The following NOL10 variants were observed in gnomAD, a reference collection of about 807,000 sequenced individuals.
NOL10 encodes the protein nucleolar protein 10, also known as H_NH0074G24.1.
A neutral mutation model predicts 103.5 loss-of-function variants in NOL10; 58 were observed. The ratio of observed to expected loss-of-function variants is 0.56; its 90% CI spans 0.45 to 0.70. The LOEUF is 0.70. Among genes scored for constraint, NOL10 ranks in the 30% least tolerant of loss-of-function variants. The pLI, the probability that NOL10 is intolerant of heterozygous loss-of-function variation, is 0.00. For missense variants in NOL10, 763 were observed against 807.3 expected, an observed-to-expected ratio of 0.95 and a Z score of 0.67; for synonymous variants, 287 against 282.5, an observed-to-expected ratio of 1.02 and a Z score of -0.16.
chr2:10,638,428 A>G (rs1356498768), intron 13 of NOL10, among the ~76,000 whole-genome samples: 1 of 151,298 alleles, frequency 6.6e-6, no homozygotes, highest in Non-Finnish European at 1.5e-5. Flanking sequence ...TTAAATAGTG[A>G]CATTAAAAAA....
At chr2:10,598,892 T>C (rs1007527727) in intron 17 of NOL10, among the ~76,000 whole-genome samples, 15 of 152,374 alleles carry the variant, frequency 9.8e-5, no homozygotes, top group Admixed American at 9.1e-4. Context: ...CAATTTATAA[T>C]GGACAGTAAG....
At chr2:10,607,988 T>C (rs1214541963) in intron 13 of NOL10, among the ~76,000 whole-genome samples, 1 of 152,138 alleles carries the variant, frequency 6.6e-6, no homozygotes, top group Non-Finnish European at 1.5e-5. Flanking sequence ...CTATAGTTAA[T>C]GGCAATATAT....
chr2:10,682,518 GC>G (rs1243818584), intron 2 of NOL10, among the ~76,000 whole-genome samples: 4 of 149,984 alleles, frequency 2.7e-5, no homozygotes, highest in Admixed American at 6.7e-5. Flanking sequence ...TCACACCTCA[GC>G]CCCCCCAAAT....
chr2:10,591,445 C>A (rs1431238468), intron 17 of NOL10, among the ~76,000 whole-genome samples: 2 of 152,256 alleles, frequency 1.3e-5, no homozygotes, highest in South Asian at 4.2e-4. Flanking sequence ...TCTGAAGAAA[C>A]AGCATTTCCA....
intron 2 of NOL10, among the ~76,000 whole-genome samples, chr2:10,682,739 A>T (rs1681867129): frequency 6.6e-6 from 1 of 151,942 alleles, no homozygotes; most frequent in South Asian, 2.1e-4. Flanking sequence ...CAAAGACAAA[A>T]ATCCAACTTT....
chr2:10,610,534 A>G (rs1398562540), intron 13 of NOL10, among the ~76,000 whole-genome samples: 1 of 152,236 alleles, frequency 6.6e-6, no homozygotes, highest in East Asian at 1.9e-4. Context: ...CTTTTCAGAG[A>G]AAAAACATCA....
At chr2:10,687,035 G>A (rs959873732) in intron 1 of NOL10, among the ~76,000 whole-genome samples, 19 of 152,302 alleles carry the variant, frequency 1.2e-4, no homozygotes, top group Middle Eastern at 6.8e-3. Context: ...GACTGCCTAG[G>A]ATCACCAGGG....
intron 16 of NOL10, among the ~76,000 whole-genome samples, chr2:10,602,065 G>A (rs1676002732): frequency 6.6e-6 from 1 of 152,202 alleles, no homozygotes; most frequent in South Asian, 2.1e-4. Context: ...TCTTTGTCCT[G>A]GAAACAACAG....
At position 10,593,430 on chromosome 2, in the gene NOL10, C is replaced by A. The variant is rs188336992; in HGVS notation, c.1423-3679G>T. Among the ~76,000 whole-genome samples, 374 of 151,382 alleles carry A rather than the reference C, an allele frequency of 2.5e-3. 1 individual carries two copies. The highest frequency in any genetic ancestry group is 3.8e-3 in the Non-Finnish European group (254 of 67,684). ...GGGATTACAGGCGTGAGCCACTGCA[C>A]CCCGGCCAATCAAATTAGTTCTTTC... On this transcript the variant is annotated intron_variant, in intron 17 of 20. Coordinates refer to ENST00000381685, the MANE Select transcript of NOL10 (RefSeq NM_024894.4).
chr2:10,684,993 C>A (rs1682052915), intron 1 of NOL10, among the ~76,000 whole-genome samples: 1 of 152,204 alleles, frequency 6.6e-6, no homozygotes, highest in African/African-American at 2.4e-5. Context: ...GGCCACCAGG[C>A]CCGGCCAGAT....
chr2:10,597,020 A>C (rs1361825696), intron 17 of NOL10, among the ~76,000 whole-genome samples: 2 of 152,142 alleles, frequency 1.3e-5, no homozygotes, highest in Non-Finnish European at 2.9e-5. Context: ...CCCAGGCTGC[A>C]GTACAGTGGT....
At chr2:10,585,060 T>A (rs773535269) in intron 19 of NOL10, among the ~76,000 whole-genome samples, 2 of 152,056 alleles carry the variant, frequency 1.3e-5, no homozygotes, top group Non-Finnish European at 2.9e-5. Context: ...GGAAAAGGAG[T>A]CCTTTCTCAG....
intron 12 of NOL10, among the ~76,000 whole-genome samples, chr2:10,650,037 T>C (rs1399275566): frequency 6.6e-6 from 1 of 152,238 alleles, no homozygotes; most frequent in Non-Finnish European, 1.5e-5. Flanking sequence ...AAATAGACTT[T>C]TTAAAATGCT....
intron 3 of NOL10, among the ~76,000 whole-genome samples, chr2:10,680,843 G>A (rs566378442): frequency 2.0e-5 from 3 of 152,294 alleles, no homozygotes; most frequent in Admixed American, 6.5e-5. Flanking sequence ...AAGGTTGGGT[G>A]ATACTGTTCA....
At chr2:10,615,142 T>C (rs1676766628) in intron 13 of NOL10, among the ~76,000 whole-genome samples, 1 of 152,234 alleles carries the variant, frequency 6.6e-6, no homozygotes, top group Non-Finnish European at 1.5e-5. Context: ...TTTACATGCA[T>C]TTGTGTGAGT....
At chr2:10,682,246 T>C (rs1164964108) in intron 2 of NOL10, among the ~76,000 whole-genome samples, 177 bp from the exon 3 acceptor site, 2 of 152,188 alleles carry the variant, frequency 1.3e-5, no homozygotes, top group East Asian at 1.9e-4. Flanking sequence ...GCAGAGGTTT[T>C]TTCCTTAGCT....
At chr2:10,651,222 A>C (rs1468526756) in intron 12 of NOL10, among the ~76,000 whole-genome samples, 2 of 152,094 alleles carry the variant, frequency 1.3e-5, no homozygotes, top group Non-Finnish European at 2.9e-5. Context: ...GGGCTTCTAT[A>C]TCCTTGGTTA....
In NOL10 at chr2:10,683,627, T is replaced by TA. The variant is rs1387291903; in HGVS notation, c.112+939dup. Among the ~76,000 whole-genome samples the TA allele has an allele frequency of 2.0e-5, 3 of 152,122 alleles. No individual in the cohort carries two copies. In the East Asian group the frequency reaches 5.8e-4, roughly 29 times the overall value. On this transcript the variant is annotated intron_variant, in intron 2 of 20. Coordinates refer to ENST00000381685, the MANE Select transcript of NOL10 (RefSeq NM_024894.4). ...TTGTTTACACTGCTGAGAACCTTGA[T>TA]AGACAGGTAACCTGTCCCTTCTGGA... is the stretch of plus-strand genomic sequence containing the variant.
intron 13 of NOL10, among the ~76,000 whole-genome samples, chr2:10,610,046 A>T (rs1343678860): frequency 1.3e-5 from 2 of 152,216 alleles, no homozygotes; most frequent in South Asian, 2.1e-4. Context: ...AATTGGTCTA[A>T]TATTCCTTAT....
Sources: gnomAD v4.1 joint callset for allele counts (sites outside exome capture counted in the v4.1 genomes callset) on GRCh38, gnomAD v4.1.1 for gene constraint, MANE v1.5 for transcripts, NCBI Gene and HGNC (gene_info 2026-07-23, HGNC 2026-07-21) for gene names.